CNKSR2: variants seen among roughly 807,000 people sequenced by gnomAD.
The protein encoded by CNKSR2 is CNK homolog protein 2.
In CNKSR2, 14 loss-of-function variants were observed where a neutral mutation model predicts 84.4. The ratio of observed to expected loss-of-function variants is 0.17; its 90% CI spans 0.11 to 0.26. CNKSR2 has a LOEUF of 0.26. CNKSR2 is among the 10% of genes least tolerant of loss of function. The pLI, the probability that CNKSR2 is intolerant of heterozygous loss-of-function variation, is 1.00. For synonymous variants in CNKSR2, 275 were observed against 277.9 expected (o/e 0.99, Z 0.10); for missense variants, 485 against 771.2 (o/e 0.63, Z 4.40).
chrX:21,428,183 C>T (rs763902569), intron 2 of CNKSR2: 3 of 111,840 alleles, frequency 2.7e-5, no homozygotes, highest in Non-Finnish European at 5.7e-5. Flanking sequence ...CTGCCCAGTG[C>T]TTAGCTCATA....
In CNKSR2 at chrX:21,623,292, T is replaced by C. The variant is rs747582789; in HGVS notation, c.2692+13675T>C. On this transcript the variant is annotated intron_variant, in intron 20 of 21. Coordinates refer to ENST00000379510, the MANE Select transcript of CNKSR2 (RefSeq NM_014927.5). ...TTTTAAGCCCTTTTACCTAAAGTAA[T>C]AATGACTTGGTAGTATAAAACTGTA... Among the ~76,000 whole-genome samples the C allele has an allele frequency of 2.1e-3, 236 of 111,688 alleles. 1 individual carries two copies. The highest frequency in any genetic ancestry group is 7.2e-3 in the African/African-American group (224 of 30,917).
At chrX:21,633,573 A>G (rs1203086932) in intron 20 of CNKSR2, among the ~76,000 whole-genome samples, 1 of 108,809 alleles carries the variant, frequency 9.2e-6, no homozygotes, top group Non-Finnish European at 1.9e-5. Context: ...TGAATTTTGC[A>G]AGAGGAACTC....
At chrX:21,586,638 T>G (rs997114338) in intron 13 of CNKSR2, among the ~76,000 whole-genome samples, 2 of 111,379 alleles carry the variant, frequency 1.8e-5, no homozygotes, top group Non-Finnish European at 3.8e-5. Context: ...TAAATGCAAA[T>G]TACAAGAAGG....
rs2091892670 is a variant in CNKSR2, at chrX:21,532,226, A to G, written c.1303+159A>G. 4 of 339,319 alleles carry G rather than the reference A, an allele frequency of 1.2e-5. No homozygotes were observed. The East Asian group carries it at 1.3e-4, about 11-fold the overall frequency. 28.0% of individuals were successfully genotyped at this position (339,319 alleles called of 1,213,427 possible). ...TGTGCTTCTAAGTGGAATTTCTACA[A>G]TATGAGACATTATATTAAAAATTAT... is the stretch of plus-strand genomic sequence containing the variant. On this transcript the variant is annotated intron_variant, in intron 11 of 21. Transcript: ENST00000379510.
chrX:21,613,537 G>A (rs773937375), intron 20 of CNKSR2, among the ~76,000 whole-genome samples: 2 of 111,994 alleles, frequency 1.8e-5, no homozygotes, highest in Non-Finnish European at 3.8e-5. Flanking sequence ...TCTTTTAAGG[G>A]GGAATAAAAT....
Position 21,440,320 on chromosome X carries a change from A to G in CNKSR2, c.432-374A>G, listed in dbSNP as rs779479231. The stretch of plus-strand genomic sequence containing the variant: ...TTATTACTAGCTCTTGATTGTGAAT[A>G]TTCTAAGTAGATACTGTACTCAGAA... On this transcript the variant is annotated intron_variant, in intron 3 of 21. Transcript: ENST00000379510. 1.2e-4 allele frequency among the ~76,000 whole-genome samples: 13 copies of G among 111,752 alleles called. No individual in the cohort carries two copies. The South Asian group carries it at 4.8e-3, about 42-fold the overall frequency.
intron 11 of CNKSR2, among the ~76,000 whole-genome samples, chrX:21,543,668 C>T (rs1038867501): frequency 8.9e-6 from 1 of 111,967 alleles, no homozygotes; most frequent in Non-Finnish European, 1.9e-5. Context: ...CTTTTAATAG[C>T]TAATTGACCT....
intron 1 of CNKSR2, chrX:21,423,164 G>A (rs1484445167): frequency 9.0e-6 from 1 of 111,193 alleles, no homozygotes; most frequent in African/African-American, 3.3e-5. Context: ...TTGGTATAAT[G>A]ACTTTTGGTA....
chrX:21,386,308 A>G (rs1446137357), intron 1 of CNKSR2, among the ~76,000 whole-genome samples: 2 of 111,831 alleles, frequency 1.8e-5, no homozygotes, highest in East Asian at 5.6e-4. Context: ...CATCTCCTCA[A>G]ATTGTTTTGT....
intron 1 of CNKSR2, among the ~76,000 whole-genome samples, chrX:21,403,302 A>G (rs1462879193): frequency 9.0e-6 from 1 of 111,599 alleles, no homozygotes; most frequent in Non-Finnish European, 1.9e-5. Context: ...TCTTTAAAAC[A>G]TCACTGGCAA....
At position 21,602,399 on chromosome X, in the gene CNKSR2, G is replaced by A. The variant is rs771402693; in HGVS notation, c.2044+1050G>A. Among the ~76,000 whole-genome samples the A allele has an allele frequency of 1.3e-4, 14 of 111,474 alleles. No individual in the cohort carries two copies. The East Asian group carries it at 3.9e-3, about 31-fold the overall frequency. On this transcript the variant is annotated intron_variant, in intron 18 of 21. Coordinates refer to ENST00000379510, the MANE Select transcript of CNKSR2 (RefSeq NM_014927.5). Reference sequence around the variant, plus strand: ...TGGTCCCAAACCCCCGGGCTCAAGCGATTCACCGATCTCCCAAAATGCTGG... The same window carrying A: ...TGGTCCCAAACCCCCGGGCTCAAGCAATTCACCGATCTCCCAAAATGCTGG...
At position 21,470,838 on chromosome X, in the gene CNKSR2, A is replaced by G. The variant is rs759974211; in HGVS notation, c.561+31A>G. The G allele has an allele frequency of 3.6e-6, 3 of 824,058 alleles. No individual in the cohort carries two copies. The Admixed American group carries it at 9.0e-5, about 25-fold the overall frequency. 67.9% of individuals were successfully genotyped at this position (824,058 alleles called of 1,213,427 possible). A position where few individuals can be genotyped will look rare whatever the true frequency, so the allele number is the denominator to read the frequency against. ...TATACTTGGATTTATTTTAATCTTT[A>G]TTAGAGGATATTTCCTTGTTCAACT... On this transcript the variant is annotated intron_variant, in intron 5 of 21. Coordinates refer to ENST00000379510, the MANE Select transcript of CNKSR2 (RefSeq NM_014927.5).
chrX:21,549,672 A>G (rs7062026), intron 11 of CNKSR2, among the ~76,000 whole-genome samples: 14,652 of 111,381 alleles, frequency 0.13, 2,287 homozygotes, highest in African/African-American at 0.45. Context: ...ACTATACTAC[A>G]AGGTTACAGT....
chrX:21,475,243 C>G (rs931776516), intron 5 of CNKSR2, among the ~76,000 whole-genome samples: 18 of 111,693 alleles, frequency 1.6e-4, no homozygotes, highest in African/African-American at 5.9e-4. Flanking sequence ...ATGGATACCC[C>G]CATTTACCCT....
chrX:21,569,673 C>G (rs1220726467), intron 13 of CNKSR2, among the ~76,000 whole-genome samples: 1 of 112,270 alleles, frequency 8.9e-6, no homozygotes, highest in African/African-American at 3.2e-5. Flanking sequence ...TTACTTTGCC[C>G]AGATCCATCA....
chrX:21,504,812 A>G (rs945011546), intron 8 of CNKSR2: 1 of 294,195 alleles, frequency 3.4e-6, no homozygotes, highest in African/African-American at 2.8e-5. Context: ...TTTCAAACCA[A>G]CATACTTCTG....
chrX:21,605,227 G>A (rs894752923), intron 18 of CNKSR2, among the ~76,000 whole-genome samples: 1 of 111,732 alleles, frequency 8.9e-6, no homozygotes, highest in African/African-American at 3.3e-5. Flanking sequence ...TTTTCCATCA[G>A]CATTTGCTGG....
At chrX:21,444,032 C>A (rs183256409) in intron 4 of CNKSR2, among the ~76,000 whole-genome samples, 76 of 110,803 alleles carry the variant, frequency 6.9e-4, no homozygotes, top group African/African-American at 2.2e-3. Context: ...TAAATGTATT[C>A]CTGCTCAAAT....
At chrX:21,592,577 T>C (rs988389318) in intron 15 of CNKSR2, 3 of 111,451 alleles carry the variant, frequency 2.7e-5, no homozygotes, top group African/African-American at 9.8e-5. Context: ...GAAAAAAATG[T>C]GTGCTATTAG....
Sources: allele counts gnomAD v4.1 joint callset (sites outside exome capture counted in the v4.1 genomes callset), GRCh38; gene constraint gnomAD v4.1.1; transcripts MANE v1.5; gene names NCBI Gene and HGNC (gene_info 2026-07-23, HGNC 2026-07-21).